PSPC1: variants seen among roughly 807,000 people sequenced by gnomAD.
The protein encoded by PSPC1 is paraspeckle protein 1.
PSPC1 carries 14 observed loss-of-function variants against 51.6 expected under a neutral mutation model. The ratio of observed to expected loss-of-function variants is 0.27; its 90% confidence interval spans 0.18 to 0.42. PSPC1 has a LOEUF of 0.42. PSPC1 is among the 10% of genes least tolerant of loss of function. The pLI, the probability that PSPC1 is intolerant of heterozygous loss-of-function variation, is 1.00. For synonymous variants in PSPC1, 193 were observed against 231.9 expected, an observed-to-expected ratio of 0.83 and a Z score of 1.53; for missense variants, 406 against 701.1, an observed-to-expected ratio of 0.58 and a Z score of 4.75.
chr13:19,748,128 G>A (rs1324000365), intron 4 of PSPC1, among the ~76,000 whole-genome samples: 2 of 151,894 alleles, frequency 1.3e-5, no homozygotes, highest in African/African-American at 2.4e-5. Context: ...CAGGAGAATC[G>A]CTTGAACTCA....
rs11620411 is a variant in PSPC1 at position 19,730,965 on chromosome 13, C to G, written c.1053-621G>C. Among the ~76,000 whole-genome samples, 2 of 37,304 alleles carry G rather than the reference C, an allele frequency of 5.4e-5. 1 individual carries two copies. Among genetic ancestry groups the G allele is most frequent in the Non-Finnish European group, 1.2e-4 (2 of 16,156 alleles). 24.5% of individuals were successfully genotyped at this position (37,304 alleles called of 152,430 possible). On this transcript the variant is annotated intron_variant, in intron 5 of 8. Transcript: ENST00000338910. Reference sequence around the variant, plus strand: ...GTCTCAGAAAAAAAAAACAAAAAAACAAAAAAAAAAAAAACAGAAAAAGTC... The same window carrying G: ...GTCTCAGAAAAAAAAAACAAAAAAAGAAAAAAAAAAAAAACAGAAAAAGTC...
intron 2 of PSPC1, 102 bp downstream of exon 2, chr13:19,772,139 CT>C: frequency 7.9e-7 from 1 of 1,258,790 alleles, no homozygotes. Flanking sequence ...TCAACACCTA[CT>C]TACCATATGC....
At position 19,702,504 on chromosome 13, in the gene PSPC1, T is replaced by C. The variant is rs1880043888; in HGVS notation, c.*671A>G. 2 of 152,214 alleles carry C rather than the reference T, an allele frequency of 1.3e-5. No homozygotes were observed. The allele number at this position is 152,214 out of a possible 1,614,324, so 9.4% of individuals were successfully genotyped here. ...AAGAGATTTGCCTTCAAACAGTTTT[T>C]TTCAAGATGAAAAAGATTTATTTGG... is the stretch of plus-strand genomic sequence containing the variant. On this transcript the variant is annotated 3_prime_UTR_variant, in exon 9 of 9. Coordinates refer to ENST00000338910, the MANE Select transcript of PSPC1 (RefSeq NM_001354909.2).
chr13:19,742,745 A>C (rs1191741843), intron 4 of PSPC1, among the ~76,000 whole-genome samples: 2 of 152,258 alleles, frequency 1.3e-5, no homozygotes. Flanking sequence ...TCTAAAATAA[A>C]ATAACAAATT....
chr13:19,708,338 G>A (rs761656431), intron 7 of PSPC1, among the ~76,000 whole-genome samples: 4 of 152,148 alleles, frequency 2.6e-5, no homozygotes, highest in Non-Finnish European at 4.4e-5. Context: ...TGTAATCTTT[G>A]AAACTATGTA....
intron 4 of PSPC1, among the ~76,000 whole-genome samples, chr13:19,750,927 G>A (rs549331941): frequency 1.3e-5 from 2 of 151,838 alleles, no homozygotes; most frequent in Non-Finnish European, 2.9e-5. Flanking sequence ...GCACCACCAC[G>A]GCTGGCTAAT....
At chr13:19,774,795 A>G (rs1593778529) in intron 1 of PSPC1, among the ~76,000 whole-genome samples, 2 of 146,238 alleles carry the variant, frequency 1.4e-5, no homozygotes, top group Admixed American at 7.0e-5. Context: ...TCAGGGACAG[A>G]CTCTGTGTCC....
At chr13:19,744,796 CT>C (rs1885789730) in intron 4 of PSPC1, among the ~76,000 whole-genome samples, 1 of 152,158 alleles carries the variant, frequency 6.6e-6, no homozygotes, top group South Asian at 2.1e-4. Context: ...AACTCGTAAC[CT>C]TGTGATCCAC....
Position 19,782,619 on chromosome 13 carries a change from G to C in PSPC1, c.139C>G (p.Pro47Ala), listed in dbSNP as rs1159953750. The C allele has an allele frequency of 6.3e-7, 1 of 1,576,356 alleles. No homozygotes were observed. Among genetic ancestry groups the C allele is most frequent in the South Asian group, 1.1e-5 (1 of 87,380 alleles). The part of the protein sequence containing the change: ...MALALAGEPA[P>A]PAPAPPEDHP... ...TCCTCTGGAGGCGCGGGCGCGGGCGGTGCCGGCTCCCCGGCAAGAGCGAGC... is the reference window on the plus strand; with the variant it reads ...TCCTCTGGAGGCGCGGGCGCGGGCGCTGCCGGCTCCCCGGCAAGAGCGAGC... Residue 47 changes from proline to alanine, a missense_variant, in exon 1 of 9, where the codon CCG becomes GCG. Physicochemically the swap from Pro to Ala is conservative, Grantham distance 27 (BLOSUM62 -1). Around this residue, in one of 5 missense-constraint regions of PSPC1, gnomAD observed 128 missense variants for 107.1 expected, o/e 1.20. Transcript: ENST00000338910. This position sits in a 1 kb window ranked among gnomAD's most constrained non-coding sequence, Gnocchi z 4.5.
chr13:19,739,221 T>A (rs1187304631), intron 5 of PSPC1, among the ~76,000 whole-genome samples: 1 of 152,188 alleles, frequency 6.6e-6, no homozygotes, highest in Non-Finnish European at 1.5e-5. Context: ...CCTTTCAATG[T>A]GATGATGTTA....
intron 5 of PSPC1, among the ~76,000 whole-genome samples, chr13:19,738,771 G>C (rs1885117848): frequency 6.6e-6 from 1 of 152,100 alleles, no homozygotes. Context: ...GCCAGGCATG[G>C]TGGCACGCGT....
chr13:19,726,597 T>C (rs1883380742), intron 6 of PSPC1, among the ~76,000 whole-genome samples: 1 of 152,210 alleles, frequency 6.6e-6, no homozygotes, highest in South Asian at 2.1e-4. Flanking sequence ...TGAGTGTTTA[T>C]TACGTACATT....
At chr13:19,694,386 C>A (rs1309629617) in intron 6 of PSPC1, among the ~76,000 whole-genome samples, 1 of 151,664 alleles carries the variant, frequency 6.6e-6, no homozygotes, top group Non-Finnish European at 1.5e-5. Flanking sequence ...TCCTAGAAGC[C>A]ACATTAAAGG....
chr13:19,755,197 T>C (rs1044849090), intron 3 of PSPC1, among the ~76,000 whole-genome samples: 2 of 151,450 alleles, frequency 1.3e-5, no homozygotes, highest in African/African-American at 2.4e-5. Context: ...GACCATGCCA[T>C]TGCACTGCAG....
At chr13:19,695,312 ATAAGT>A (rs1286823879) in intron 6 of PSPC1, among the ~76,000 whole-genome samples, 2 of 152,242 alleles carry the variant, frequency 1.3e-5, no homozygotes, top group South Asian at 2.1e-4. Flanking sequence ...ACAGCAGAAC[ATAAGT>A]TAAGTACATT....
chr13:19,756,060 A>C (rs1299486968), intron 3 of PSPC1, among the ~76,000 whole-genome samples: 1 of 151,916 alleles, frequency 6.6e-6, no homozygotes, highest in Non-Finnish European at 1.5e-5. Context: ...ATTATGGTAA[A>C]ACCCCGTCTC....
At chr13:19,781,038 TC>T (rs1438833247) in intron 1 of PSPC1, among the ~76,000 whole-genome samples, 2 of 149,358 alleles carry the variant, frequency 1.3e-5, no homozygotes, top group Non-Finnish European at 3.0e-5. Context: ...GTGACTGTAG[TC>T]CCCGTCCCAG....
chr13:19,717,961 T>G (rs546457489), intron 6 of PSPC1, among the ~76,000 whole-genome samples: 98 of 151,862 alleles, frequency 6.5e-4, no homozygotes, highest in African/African-American at 2.0e-3. Context: ...GGAGGATCCC[T>G]TGAGGTCAGG....
chr13:19,720,898 C>A (rs546346346), intron 6 of PSPC1, among the ~76,000 whole-genome samples: 10 of 152,050 alleles, frequency 6.6e-5, no homozygotes, highest in Non-Finnish European at 1.5e-4. Context: ...ATCAATCTAA[C>A]TCAAATAAGT....
Sources: allele counts gnomAD v4.1 joint callset (sites outside exome capture counted in the v4.1 genomes callset), GRCh38; gene constraint gnomAD v4.1.1; regional missense constraint gnomAD v4.1.1; non-coding constraint Gnocchi (gnomAD v3.1); transcripts MANE v1.5; gene names NCBI Gene and HGNC (gene_info 2026-07-23, HGNC 2026-07-21).